RADIL: variants seen among roughly 807,000 people sequenced by gnomAD.
RADIL encodes ras-associating and dilute domain-containing protein.
RADIL carries 99 observed loss-of-function variants against 97.6 expected under a neutral mutation model. The observed-to-expected ratio is 1.01, with a 90% CI of 0.86 to 1.20. RADIL has a LOEUF of 1.20. Ranked by LOEUF, RADIL falls within the 50% of genes most tolerant of loss-of-function variation. The pLI is 0.00. For synonymous variants in RADIL, 803 were observed against 691.8 expected (o/e 1.16, Z -2.52); for missense variants, 1,765 against 1,498.9 (o/e 1.18, Z -2.93).
chr7:4,833,586 C>A (rs565816169), intron 4 of RADIL, among the ~76,000 whole-genome samples: 10 of 152,312 alleles, frequency 6.6e-5, no homozygotes, highest in African/African-American at 1.9e-4. Flanking sequence ...CTGGCTTTTA[C>A]TTTTTAAAAG....
chr7:4,876,831 C>T (rs564738753), intron 2 of RADIL, among the ~76,000 whole-genome samples: 4 of 152,326 alleles, frequency 2.6e-5, no homozygotes, highest in East Asian at 1.9e-4. Flanking sequence ...ACCCGCGGTA[C>T]GCTGAGTGCA....
At position 4,883,030 on chromosome 7, in the gene RADIL, G is replaced by A. The variant is rs1263357287; in HGVS notation, c.-65+566C>T. Among the ~76,000 whole-genome samples, 1 of 152,228 alleles carries A rather than the reference G, an allele frequency of 6.6e-6. No homozygotes were observed. Among genetic ancestry groups the A allele is most frequent in the African/African-American group, 2.4e-5 (1 of 41,468 alleles). ...ATCTTGGATGCAGTATTTGTCGAGG[G>A]GCTGGAAATGGTACATAAATAGCCG... On this transcript the variant is annotated intron_variant, in intron 1 of 14. Transcript: ENST00000399583. The surrounding 1 kb of genome is among the most constrained non-coding windows in gnomAD (Gnocchi z 7.1).
chr7:4,805,287 C>T (rs951490352), intron 10 of RADIL: 2 of 402,248 alleles, frequency 5.0e-6, no homozygotes, highest in African/African-American at 2.0e-5. Context: ...CCTCCGGCTC[C>T]GTGAGGGAAC....
rs1320340485 is a variant in RADIL at position 4,818,841 on chromosome 7, G to T, written c.1616-1490C>A. Among the ~76,000 whole-genome samples the T allele has an allele frequency of 6.6e-6, 1 of 152,124 alleles. No individual in the cohort carries two copies. The highest frequency in any genetic ancestry group is 1.5e-5 in the Non-Finnish European group (1 of 68,030). On this transcript the variant is annotated intron_variant, in intron 6 of 14. Transcript: ENST00000399583. The surrounding 1 kb of genome is among the most constrained non-coding windows in gnomAD (Gnocchi z 7.1). ...ACGGGGCATGGGAATGACAGGAGAA[G>T]GTGGCAGGGACTGTGCTGAATGAAA...
chr7:4,801,866 C>T lies in RADIL; in HGVS notation c.2629G>A (p.Ala877Thr). ...GGTTGCCTTCCAGGGGGGGCCTGTG[C>T]CCAGGGAGCCCCCCTCAAGGGAAGA... is the stretch of plus-strand genomic sequence containing the variant. ...RTLPLRGAPW[A>T]QAPPGRQPSR... The change falls in exon 12 of 15, where the codon GCA becomes ACA. Residue 877 changes from alanine to threonine, a missense_variant. Transcript: ENST00000399583. 6.3e-7 allele frequency: 1 copy of T among 1,590,052 alleles called. No homozygotes were observed. The highest frequency in any genetic ancestry group is 8.6e-7 in the Non-Finnish European group (1 of 1,168,830).
At chr7:4,882,175 G>C (rs556022765) in intron 1 of RADIL, 3 of 152,400 alleles carry the variant, frequency 2.0e-5, no homozygotes, top group East Asian at 1.9e-4. Context: ...GGCCAGACCA[G>C]AGGGTGCCCA....
chr7:4,807,069 G>A (rs1354961197), intron 9 of RADIL, among the ~76,000 whole-genome samples: 3 of 152,074 alleles, frequency 2.0e-5, no homozygotes, highest in Admixed American at 6.6e-5. Context: ...CCACCCCTCT[G>A]CTGGCTCTTT....
intron 2 of RADIL, among the ~76,000 whole-genome samples, chr7:4,856,515 C>T (rs1173299349): frequency 6.6e-6 from 1 of 152,136 alleles, no homozygotes; most frequent in East Asian, 1.9e-4. Flanking sequence ...CAGCTTAGGG[C>T]CTGTTTTTCA....
chr7:4,808,246 A>T (rs1304997872), intron 9 of RADIL, among the ~76,000 whole-genome samples: 4 of 126,352 alleles, frequency 3.2e-5, no homozygotes, highest in African/African-American at 1.2e-4. Flanking sequence ...CCCGCTCCTC[A>T]CCCTCCTCTC....
chr7:4,816,289 C>T lies in RADIL; in HGVS notation c.1905G>A (p.Gln635=), dbSNP rs1352506006. Residue 635 remains glutamine (Q), a synonymous_variant, in exon 8 of 15, where the codon CAG becomes CAA. Coordinates refer to ENST00000399583, the MANE Select transcript of RADIL (RefSeq NM_018059.5). ...AGAAGAAGAAGAGGTAGGCGAGCAT[C>T]TGCGAGGCCACCTCGGGGTGCACCT... ...QLQVHPEVAS[Q]MLAYLFFFSG... 6.2e-7 allele frequency: 1 copy of T among 1,612,720 alleles called. No individual in the cohort carries two copies. Among genetic ancestry groups the T allele is most frequent in the African/African-American group, 1.3e-5 (1 of 74,936 alleles).
chr7:4,875,413 G>A lies in RADIL; in HGVS notation c.535+2192C>T, dbSNP rs142038268. ...ATCTCAAAAAAAAAAAAAGAAGCAC[G>A]TGAGCCTCAGACAAGCTCCTGTCTC... On this transcript the variant is annotated intron_variant, in intron 2 of 14. Coordinates refer to ENST00000399583, the MANE Select transcript of RADIL (RefSeq NM_018059.5). Among the ~76,000 whole-genome samples the A allele has an allele frequency of 3.1e-3, 467 of 151,532 alleles. 4 individuals carry two copies. Among genetic ancestry groups the A allele is most frequent in the African/African-American group, 0.011 (446 of 41,266 alleles).
chr7:4,801,621 G>A (rs1782088200), intron 12 of RADIL, 32 bp downstream of exon 12: 4 of 1,556,730 alleles, frequency 2.6e-6, no homozygotes, highest in African/African-American at 2.7e-5. Context: ...GGTCTGGGGT[G>A]GGTTCCCGCC....
At position 4,879,332 on chromosome 7, in the gene RADIL, G is replaced by C. The variant is rs1172265070; in HGVS notation, c.-64-1129C>G. On this transcript the variant is annotated intron_variant, in intron 1 of 14. Coordinates refer to ENST00000399583, the MANE Select transcript of RADIL (RefSeq NM_018059.5). The surrounding 1 kb of genome is among the most constrained non-coding windows in gnomAD (Gnocchi z 4.1). ...TCAGTCTCCCTCCAGAACCTCTGTG[G>C]GGGCAGGAGGGCAGAGAAAAAGGAA... Among the ~76,000 whole-genome samples the C allele has an allele frequency of 6.6e-6, 1 of 152,232 alleles. No individual in the cohort carries two copies. Among genetic ancestry groups the C allele is most frequent in the Non-Finnish European group, 1.5e-5 (1 of 68,038 alleles).
intron 3 of RADIL, 54 bp downstream of exon 3, chr7:4,836,304 G>T: frequency 1.3e-6 from 2 of 1,550,848 alleles, no homozygotes; most frequent in South Asian, 1.2e-5. Flanking sequence ...TCTGAGTCCC[G>T]CCTGCTGTCC....
At position 4,839,784 on chromosome 7, in the gene RADIL, C is replaced by T. The variant is rs532757733; in HGVS notation, c.536-3179G>A. On this transcript the variant is annotated intron_variant, in intron 2 of 14. Transcript: ENST00000399583. ...GTTTTGGGACAGAGTCTCACTCTGT[C>T]GCCCAGGCTAGAGTAGCAGTAGCAA... 3.4e-4 allele frequency among the ~76,000 whole-genome samples: 52 copies of T among 152,212 alleles called. No homozygotes were observed. In the East Asian group the frequency reaches 7.2e-3, roughly 21 times the overall value.
In RADIL at chr7:4,824,274, C is replaced by T. The variant is rs1478403374; in HGVS notation, c.1455-1720G>A. Among the ~76,000 whole-genome samples, 3 of 152,218 alleles carry T rather than the reference C, an allele frequency of 2.0e-5. No individual in the cohort carries two copies. In the East Asian group the frequency reaches 5.8e-4, roughly 29 times the overall value. On this transcript the variant is annotated intron_variant, in intron 5 of 14. Coordinates refer to ENST00000399583, the MANE Select transcript of RADIL (RefSeq NM_018059.5). The surrounding 1 kb of genome is among the most constrained non-coding windows in gnomAD (Gnocchi z 6.7). ...CGCAGGGCATGGTGCCAGCCCAGTGCCTGACCCCAGTCCCGGGGCAGAGCC... is the reference window on the plus strand; with the variant it reads ...CGCAGGGCATGGTGCCAGCCCAGTGTCTGACCCCAGTCCCGGGGCAGAGCC...
rs1175091189 is a variant in RADIL, at chr7:4,800,193, C to T, written c.2960G>A (p.Gly987Glu). 3.7e-6 allele frequency: 6 copies of T among 1,609,084 alleles called. No homozygotes were observed. Among genetic ancestry groups the T allele is most frequent in the Admixed American group, 1.7e-5 (1 of 59,618 alleles). Residue 987 changes from glycine (G) to glutamate (E), a missense_variant, in exon 13 of 15, where the codon GGG (glycine) becomes GAG (glutamate). By Grantham distance (98) the Gly-to-Glu change is moderately conservative. Transcript: ENST00000399583. Reference protein sequence around the residue: ...VELERGPSGLGMGLIDGMHTH... With the variant: ...VELERGPSGLEMGLIDGMHTH... ...CACCATCCCGTCGATCAGGCCCATC[C>T]CCAGCCCGGAGGGGCCTCGTTCCAG... is the stretch of plus-strand genomic sequence containing the variant.
intron 2 of RADIL, 117 bp from the exon 3 acceptor site, chr7:4,836,722 G>A: frequency 7.3e-7 from 1 of 1,379,150 alleles, no homozygotes; most frequent in East Asian, 2.4e-5. Flanking sequence ...GGGATCGCCT[G>A]AGGTCAGGAG....
At position 4,847,961 on chromosome 7, in the gene RADIL, C is replaced by T. The variant is rs182976350; in HGVS notation, c.536-11356G>A. On this transcript the variant is annotated intron_variant, in intron 2 of 14. Transcript: ENST00000399583. ...CTGTAATCCCAGCACTTAGGGAGGC[C>T]GCAGCAGGCGGATCGCTTGAGCTCA... Among the ~76,000 whole-genome samples, 635 of 152,136 alleles carry T rather than the reference C, an allele frequency of 4.2e-3. 2 individuals are homozygous for T. Among genetic ancestry groups the T allele is most frequent in the African/African-American group, 0.014 (597 of 41,492 alleles).
Sources: gnomAD v4.1 joint callset for allele counts (sites outside exome capture counted in the v4.1 genomes callset) on GRCh38, gnomAD v4.1.1 for gene constraint, Gnocchi (gnomAD v3.1) non-coding constraint, MANE v1.5 for transcripts, NCBI Gene and HGNC (gene_info 2026-07-23, HGNC 2026-07-21) for gene names.